DCC: variants seen among roughly 807,000 people sequenced by gnomAD.
The protein encoded by DCC is netrin receptor DCC.
Under a neutral mutation model 172.5 loss-of-function variants are expected in DCC, and 58 were observed. The observed-to-expected ratio is 0.34, with a 90% CI of 0.27 to 0.42. DCC has a LOEUF of 0.42. Among genes scored for constraint, DCC ranks in the 10% least tolerant of loss-of-function variants. The probability of loss-of-function intolerance (pLI) is 1.00; values close to 1 mark genes in which losing one functional copy is unlikely to be tolerated. For synonymous variants in DCC, 709 were observed against 644.5 expected, an observed-to-expected ratio of 1.10 and a Z score of -1.52; for missense variants, 1,740 against 1,791.0, an observed-to-expected ratio of 0.97 and a Z score of 0.51.
At chr18:52,442,815 C>G (rs536850927) in intron 1 of DCC, among the ~76,000 whole-genome samples, 37 of 152,270 alleles carry the variant, frequency 2.4e-4, no homozygotes, top group African/African-American at 8.9e-4. Context: ...TGCAGAGCTC[C>G]GCCATTACCT....
chr18:53,187,401 A>C (rs1030375264), intron 9 of DCC, among the ~76,000 whole-genome samples: 34 of 152,050 alleles, frequency 2.2e-4, no homozygotes, highest in African/African-American at 8.0e-4. Flanking sequence ...GGATTACAGG[A>C]GTGAACCACC....
chr18:52,746,907 T>C (rs2036913435), intron 1 of DCC, among the ~76,000 whole-genome samples: 1 of 148,386 alleles, frequency 6.7e-6, no homozygotes, highest in Non-Finnish European at 1.5e-5. Flanking sequence ...ACTATCATTT[T>C]ACAGAAAAAA....
At chr18:52,375,022 T>G (rs1223591082) in intron 1 of DCC, among the ~76,000 whole-genome samples, 1 of 152,252 alleles carries the variant, frequency 6.6e-6, no homozygotes, top group Non-Finnish European at 1.5e-5. Flanking sequence ...GATTTAACAA[T>G]CTGATACATG....
At position 52,750,898 on chromosome 18, in the gene DCC, G is replaced by GA. The variant is rs959905457; in HGVS notation, c.92-1146dup. 1.8e-3 allele frequency among the ~76,000 whole-genome samples: 265 copies of GA among 148,318 alleles called. 1 individual carries two copies. The highest frequency in any genetic ancestry group is 5.6e-3 in the African/African-American group (226 of 40,490). On this transcript the variant is annotated intron_variant, in intron 1 of 28. Coordinates refer to ENST00000442544, the MANE Select transcript of DCC (RefSeq NM_005215.4). The stretch of plus-strand genomic sequence containing the variant: ...TAATGAAGTCAAGGTTGCTATCGTG[G>GA]AAAAAAAAAATGAAGACTAAAACAT...
chr18:52,423,726 GCTT>G (rs1987329937), intron 1 of DCC, among the ~76,000 whole-genome samples: 1 of 152,068 alleles, frequency 6.6e-6, no homozygotes, highest in South Asian at 2.1e-4. Context: ...ATGAGTAAGA[GCTT>G]CTTTTGGAAG....
intron 2 of DCC, among the ~76,000 whole-genome samples, chr18:52,841,210 T>G (rs2038799697): frequency 6.6e-6 from 1 of 151,940 alleles, no homozygotes; most frequent in Admixed American, 6.6e-5. Flanking sequence ...TCTGGGACCT[T>G]GTTGGCTGTG....
At chr18:53,326,728 G>C (rs1473831760) in intron 14 of DCC, among the ~76,000 whole-genome samples, 7 of 152,112 alleles carry the variant, frequency 4.6e-5, no homozygotes, top group Admixed American at 4.6e-4. Context: ...ATGTTGGAAA[G>C]CTTTGGGTCC....
At chr18:52,361,500 C>T (rs1984616750) in intron 1 of DCC, among the ~76,000 whole-genome samples, 1 of 152,158 alleles carries the variant, frequency 6.6e-6, no homozygotes. Flanking sequence ...CTCTATAAGA[C>T]AGATCACCTT....
chr18:52,567,603 G>C (rs1259159688), intron 1 of DCC, among the ~76,000 whole-genome samples: 1 of 152,154 alleles, frequency 6.6e-6, no homozygotes, highest in African/African-American at 2.4e-5. Context: ...ACAAATGGGA[G>C]TTAAATAATG....
chr18:52,986,960 T>G (rs1208004794), intron 5 of DCC, among the ~76,000 whole-genome samples: 1 of 152,010 alleles, frequency 6.6e-6, no homozygotes, highest in Non-Finnish European at 1.5e-5. Flanking sequence ...GTAGCTGGGA[T>G]TACAGGCGCA....
At chr18:52,365,246 T>A (rs1984795332) in intron 1 of DCC, among the ~76,000 whole-genome samples, 2 of 152,204 alleles carry the variant, frequency 1.3e-5, no homozygotes, top group South Asian at 2.1e-4. Flanking sequence ...TCCTTCGCAG[T>A]AGTGATTGAC....
intron 12 of DCC, among the ~76,000 whole-genome samples, chr18:53,287,909 C>T (rs149671289): frequency 2.6e-3 from 399 of 152,200 alleles, no homozygotes; most frequent in Non-Finnish European, 4.3e-3. Context: ...ATTCTTAAAA[C>T]GTTATATTGG....
intron 12 of DCC, among the ~76,000 whole-genome samples, chr18:53,272,624 CA>C (rs1460563731): frequency 1.3e-4 from 20 of 152,088 alleles, no homozygotes; most frequent in Non-Finnish European, 2.8e-4. Context: ...TTCACATAGT[CA>C]CTTATATATT....
chr18:53,112,796 A>T (rs1396264219), intron 7 of DCC, among the ~76,000 whole-genome samples: 1 of 151,540 alleles, frequency 6.6e-6, no homozygotes, highest in Non-Finnish European at 1.5e-5. Flanking sequence ...GAAACATAAT[A>T]AGGCCACAGA....
chr18:52,872,382 T>C (rs1187795035), intron 2 of DCC, among the ~76,000 whole-genome samples: 2 of 151,176 alleles, frequency 1.3e-5, no homozygotes, highest in African/African-American at 2.4e-5. Flanking sequence ...CAGTTAATCT[T>C]TTCTAAGTCT....
intron 5 of DCC, among the ~76,000 whole-genome samples, chr18:53,012,959 A>G (rs1355874256): frequency 6.6e-6 from 1 of 152,206 alleles, no homozygotes; most frequent in Non-Finnish European, 1.5e-5. Context: ...CAGCCAACAA[A>G]TATGTGAAAA....
At chr18:53,447,365 G>C (rs1246787951) in intron 22 of DCC, among the ~76,000 whole-genome samples, 7 of 152,064 alleles carry the variant, frequency 4.6e-5, no homozygotes, top group African/African-American at 1.7e-4. Context: ...TTTTAAACTG[G>C]TGGGAACTTT....
chr18:52,500,729 GTC>G (rs2030985700), intron 1 of DCC, among the ~76,000 whole-genome samples: 1 of 152,028 alleles, frequency 6.6e-6, no homozygotes, highest in African/African-American at 2.4e-5. Flanking sequence ...TTTTCATAAT[GTC>G]TCTCTCATGA....
intron 5 of DCC, among the ~76,000 whole-genome samples, chr18:53,011,117 A>G (rs916917468): frequency 1.3e-5 from 2 of 151,518 alleles, no homozygotes; most frequent in Non-Finnish European, 3.0e-5. Flanking sequence ...TTTTACAAAT[A>G]CTCTGACTGA....
Sources: allele counts gnomAD v4.1 joint callset (sites outside exome capture counted in the v4.1 genomes callset), GRCh38; gene constraint gnomAD v4.1.1; transcripts MANE v1.5; gene names NCBI Gene and HGNC (gene_info 2026-07-23, HGNC 2026-07-21).